Variants in TRPC5 observed in about 807,000 individuals in gnomAD.
TRPC5 encodes transient receptor potential cation channel subfamily C member 5, also known as short transient receptor potential channel 5.
Under a neutral mutation model 56.5 loss-of-function variants are expected in TRPC5, and 9 were observed. The ratio of observed to expected loss-of-function variants is 0.16; its 90% CI spans 0.10 to 0.28. The LOEUF is 0.28. Ranked by LOEUF, TRPC5 falls within the 10% of genes least tolerant of loss-of-function variation. TRPC5 has a pLI of 1.00. For synonymous variants in TRPC5, 282 were observed against 278.5 expected, an observed-to-expected ratio of 1.01 and a Z score of -0.13; for missense variants, 469 against 748.9, an observed-to-expected ratio of 0.63 and a Z score of 4.36.
chrX:111,822,026 AAC>A (rs1244907758), intron 7 of TRPC5, among the ~76,000 whole-genome samples: 1 of 111,843 alleles, frequency 8.9e-6, no homozygotes, highest in Non-Finnish European at 1.9e-5. Flanking sequence ...TGGAAATAAA[AAC>A]ACAGTCATTT....
intron 7 of TRPC5, among the ~76,000 whole-genome samples, chrX:111,825,219 C>CT (rs57330477): frequency 1.2e-4 from 6 of 48,867 alleles, no homozygotes; most frequent in African/African-American, 3.8e-4. Flanking sequence ...TTCTTTCTTT[C>CT]TTCTTTCTTT....
At chrX:111,952,749 C>T (rs924010193) in intron 1 of TRPC5, among the ~76,000 whole-genome samples, 5 of 111,132 alleles carry the variant, frequency 4.5e-5, no homozygotes, top group Admixed American at 9.6e-5. Context: ...TAATATTACT[C>T]GCAGTTATCA....
At chrX:111,889,043 G>T (rs1924676615) in intron 3 of TRPC5, among the ~76,000 whole-genome samples, 1 of 112,274 alleles carries the variant, frequency 8.9e-6, no homozygotes, top group Admixed American at 9.4e-5. Flanking sequence ...TCAATGTAAT[G>T]AAAGTAGATA....
chrX:111,896,916 T>C (rs1264575308), intron 3 of TRPC5, among the ~76,000 whole-genome samples: 1 of 112,159 alleles, frequency 8.9e-6, no homozygotes, highest in Non-Finnish European at 1.9e-5. Flanking sequence ...TTAAATGTAC[T>C]ACAGGTTGAG....
chrX:112,025,782 T>C (rs1313100869), intron 1 of TRPC5, among the ~76,000 whole-genome samples: 1 of 111,321 alleles, frequency 9.0e-6, no homozygotes, highest in Non-Finnish European at 1.9e-5. Context: ...TAAGAGATAA[T>C]GCCCATGGAC....
intron 3 of TRPC5, among the ~76,000 whole-genome samples, chrX:111,864,300 T>C (rs1367627413): frequency 8.9e-6 from 1 of 112,409 alleles, no homozygotes; most frequent in Non-Finnish European, 1.9e-5. Flanking sequence ...TAGTGTCTAA[T>C]TCGTTTTCTA....
intron 1 of TRPC5, among the ~76,000 whole-genome samples, chrX:111,983,598 C>T (rs1928136794): frequency 9.0e-6 from 1 of 111,690 alleles, no homozygotes; most frequent in South Asian, 3.8e-4. Flanking sequence ...AAACCATTGG[C>T]TATAGCTCAT....
intron 2 of TRPC5, among the ~76,000 whole-genome samples, chrX:111,937,021 T>G (rs1277398482): frequency 9.4e-6 from 1 of 106,172 alleles, no homozygotes; most frequent in Non-Finnish European, 1.9e-5. Flanking sequence ...TCCTGACTTT[T>G]TAATGATTGC....
In TRPC5 at chrX:111,891,633, C is replaced by T. The variant is rs774974320; in HGVS notation, c.900+20658G>A. Among the ~76,000 whole-genome samples, 15 of 111,524 alleles carry T rather than the reference C, an allele frequency of 1.3e-4. No individual in the cohort carries two copies. In the South Asian group the frequency reaches 4.2e-3, roughly 31 times the overall value. On this transcript the variant is annotated intron_variant, in intron 3 of 10. Transcript: ENST00000262839. ...TCAGCTCACTGCAACCTCCGCCTCCCGGGTTCAAGCGATTCTCCTGCCTCA... is the reference window on the plus strand; with the variant it reads ...TCAGCTCACTGCAACCTCCGCCTCCTGGGTTCAAGCGATTCTCCTGCCTCA...
intron 3 of TRPC5, among the ~76,000 whole-genome samples, chrX:111,881,403 C>A (rs2148599589): frequency 9.0e-6 from 1 of 110,938 alleles, no homozygotes; most frequent in African/African-American, 3.3e-5. Flanking sequence ...GTTTCAATCC[C>A]TTGATCTCAT....
At chrX:111,817,676 C>G (rs920192181) in intron 7 of TRPC5, among the ~76,000 whole-genome samples, 1 of 111,183 alleles carries the variant, frequency 9.0e-6, no homozygotes, top group Non-Finnish European at 1.9e-5. Context: ...GCAGGAAACC[C>G]TGTGAAGTTG....
intron 1 of TRPC5, among the ~76,000 whole-genome samples, chrX:112,027,309 T>C (rs1464254783): frequency 8.9e-6 from 1 of 111,859 alleles, no homozygotes; most frequent in Non-Finnish European, 1.9e-5. Flanking sequence ...TGTGTGTGCA[T>C]GATTGGGAAG....
chrX:111,999,199 A>G (rs746823063), intron 1 of TRPC5, among the ~76,000 whole-genome samples: 6 of 111,163 alleles, frequency 5.4e-5, no homozygotes, highest in African/African-American at 1.3e-4. Context: ...CAGTAACACT[A>G]TAAGTTATTA....
intron 6 of TRPC5, among the ~76,000 whole-genome samples, chrX:111,842,947 A>G (rs1922805591): frequency 8.9e-6 from 1 of 112,526 alleles, no homozygotes; most frequent in Non-Finnish European, 1.9e-5. Context: ...AGGCCCATGT[A>G]TGTTGCTGCA....
chrX:111,829,461 G>A (rs111451656), intron 7 of TRPC5, among the ~76,000 whole-genome samples: 6,677 of 111,594 alleles, frequency 0.06, 435 homozygotes, highest in African/African-American at 0.2. Context: ...TGGGGAAAAT[G>A]TCTCCAGGGC....
chrX:111,985,250 C>T (rs1928183291), intron 1 of TRPC5, among the ~76,000 whole-genome samples: 1 of 112,038 alleles, frequency 8.9e-6, no homozygotes, highest in African/African-American at 3.2e-5. Flanking sequence ...TATATCTATT[C>T]CAATTATGCA....
intron 9 of TRPC5, 146 bp downstream of exon 9, chrX:111,781,019 T>G (rs906727613): frequency 3.4e-6 from 2 of 595,683 alleles, no homozygotes; most frequent in African/African-American, 4.4e-5. Flanking sequence ...GAGAAGGTAC[T>G]TCAGCCCTTG....
intron 1 of TRPC5, among the ~76,000 whole-genome samples, chrX:112,005,251 G>T (rs1439430506): frequency 9.1e-6 from 1 of 109,858 alleles, no homozygotes; most frequent in Non-Finnish European, 1.9e-5. Context: ...ATGAGTGGGA[G>T]CTAAATGATG....
chrX:111,921,658 T>C (rs1312125912), intron 2 of TRPC5, among the ~76,000 whole-genome samples: 1 of 111,374 alleles, frequency 9.0e-6, no homozygotes, highest in East Asian at 2.8e-4. Context: ...AGGAAATCAA[T>C]AGGCCAAGAA....
Sources: gnomAD v4.1 joint callset for allele counts (sites outside exome capture counted in the v4.1 genomes callset) on GRCh38, gnomAD v4.1.1 for gene constraint, MANE v1.5 for transcripts, NCBI Gene and HGNC (gene_info 2026-07-23, HGNC 2026-07-21) for gene names.